Variants in ZEB2 observed in about 807,000 individuals in gnomAD.
ZEB2 encodes zinc finger E-box-binding homeobox 2.
Under a neutral mutation model 99.9 loss-of-function variants are expected in ZEB2, and 6 were observed. The ratio of observed to expected loss-of-function variants is 0.06; its 90% CI spans 0.03 to 0.12. ZEB2 has a LOEUF of 0.12. ZEB2 is among the 10% of genes least tolerant of loss of function. The probability of loss-of-function intolerance (pLI) is 1.00; values close to 1 mark genes in which losing one functional copy is unlikely to be tolerated. For missense variants in ZEB2, 969 were observed against 1,502.8 expected, an observed-to-expected ratio of 0.64 and a Z score of 5.87; for synonymous variants, 517 against 542.5, an observed-to-expected ratio of 0.95 and a Z score of 0.65.
intron 2 of ZEB2, among the ~76,000 whole-genome samples, chr2:144,481,901 A>G (rs1038068256): frequency 6.6e-6 from 1 of 152,208 alleles, no homozygotes; most frequent in Non-Finnish European, 1.5e-5. Context: ...AACATTTCTA[A>G]AGTAAAAAAT....
intron 2 of ZEB2, among the ~76,000 whole-genome samples, chr2:144,479,825 G>A (rs1398657349): frequency 2.6e-5 from 4 of 152,174 alleles, no homozygotes; most frequent in East Asian, 1.9e-4. Context: ...TAACCCCAGG[G>A]CTCATTTGCA....
chr2:144,432,397 T>TA (rs1553964364), intron 2 of ZEB2, among the ~76,000 whole-genome samples: 1 of 152,222 alleles, frequency 6.6e-6, no homozygotes, highest in African/African-American at 2.4e-5. Context: ...CATATGCCAT[T>TA]ATGCTGGTGT....
intron 2 of ZEB2, among the ~76,000 whole-genome samples, chr2:144,510,096 G>T (rs1003040129): frequency 3.9e-5 from 6 of 151,974 alleles, no homozygotes; most frequent in Non-Finnish European, 2.9e-5. Flanking sequence ...AGCCCTCAAA[G>T]CTTTTTAAAA....
chr2:144,391,801 T>C (rs553178480), intron 9 of ZEB2, among the ~76,000 whole-genome samples: 11 of 152,318 alleles, frequency 7.2e-5, no homozygotes, highest in South Asian at 6.2e-4. Context: ...AATTCATCCA[T>C]AGGGGCAGTG....
At chr2:144,421,879 T>C (rs927819087) in intron 4 of ZEB2, among the ~76,000 whole-genome samples, 1 of 152,244 alleles carries the variant, frequency 6.6e-6, no homozygotes, top group African/African-American at 2.4e-5. Context: ...AGGACATTCC[T>C]ATATTCCCAT....
chr2:144,404,352 T>C (rs1046983161), intron 5 of ZEB2, among the ~76,000 whole-genome samples: 2 of 139,634 alleles, frequency 1.4e-5, no homozygotes, highest in African/African-American at 2.7e-5. Flanking sequence ...AATTAATTAC[T>C]TCAGGTTTTT....
At chr2:144,429,684 G>A (rs768446684) in intron 3 of ZEB2, 85 bp downstream of exon 3, 2 of 1,600,332 alleles carry the variant, frequency 1.2e-6, no homozygotes, top group South Asian at 1.1e-5. Context: ...TAATTATTTG[G>A]TTGTGGGCGA....
intron 2 of ZEB2, among the ~76,000 whole-genome samples, chr2:144,489,621 C>T (rs1034763967): frequency 6.6e-6 from 1 of 152,184 alleles, no homozygotes; most frequent in Non-Finnish European, 1.5e-5. Context: ...CAGTGAGCTG[C>T]GGATGTTGGA....
intron 2 of ZEB2, among the ~76,000 whole-genome samples, chr2:144,508,233 G>C (rs1421541260): frequency 6.6e-6 from 1 of 152,062 alleles, no homozygotes; most frequent in Non-Finnish European, 1.5e-5. Context: ...TTTGTTCATT[G>C]TGTCTCAGGG....
At chr2:144,407,515 A>G (rs1409173663) in intron 4 of ZEB2, among the ~76,000 whole-genome samples, 1 of 152,226 alleles carries the variant, frequency 6.6e-6, no homozygotes, top group Non-Finnish European at 1.5e-5. Context: ...ACTTGCATAA[A>G]GTATTTGCTC....
At chr2:144,469,972 A>C (rs1704332985) in intron 2 of ZEB2, among the ~76,000 whole-genome samples, 1 of 152,212 alleles carries the variant, frequency 6.6e-6, no homozygotes, top group East Asian at 1.9e-4. Flanking sequence ...TCAGATACAG[A>C]GACCAAACCC....
intron 2 of ZEB2, among the ~76,000 whole-genome samples, chr2:144,438,162 T>C (rs1299690420): frequency 6.6e-6 from 1 of 152,194 alleles, no homozygotes; most frequent in Non-Finnish European, 1.5e-5. Flanking sequence ...TTCTAGCCTA[T>C]CCATAAAAAT....
chr2:144,440,499 ATATATATATATATATATTTT>A (rs1703892489), intron 2 of ZEB2, among the ~76,000 whole-genome samples: 1 of 22,978 alleles, frequency 4.4e-5, no homozygotes, highest in Admixed American at 7.0e-4. Context: ...ATATATATAT[ATATATATATATATATATTTT>A]TTTTTTTTTT....
intron 2 of ZEB2, among the ~76,000 whole-genome samples, chr2:144,466,718 C>A (rs1454310062): frequency 1.3e-5 from 2 of 152,150 alleles, no homozygotes; most frequent in Admixed American, 6.6e-5. Context: ...ACGGAGTAAA[C>A]CAGGGCAGTG....
chr2:144,512,657 G>A (rs568032420), intron 2 of ZEB2: 1 of 1,287,198 alleles, frequency 7.8e-7, no homozygotes, highest in Non-Finnish European at 1.0e-6. Flanking sequence ...CCTTAGTCCT[G>A]GTGGACTGTC....
intron 2 of ZEB2, among the ~76,000 whole-genome samples, chr2:144,498,503 G>C (rs567182173): frequency 6.6e-5 from 10 of 152,216 alleles, no homozygotes; most frequent in Admixed American, 5.9e-4. Flanking sequence ...AAAGTGAACT[G>C]ACTGCTGGAA....
intron 1 of ZEB2, chr2:144,518,528 C>A: frequency 6.6e-6 from 1 of 152,286 alleles, no homozygotes; most frequent in Non-Finnish European, 1.5e-5. Context: ...TCCCCACGCC[C>A]CACACCTATT....
At chr2:144,519,026 C>T (rs1415618010) in intron 1 of ZEB2, among the ~76,000 whole-genome samples, 1 of 152,132 alleles carries the variant, frequency 6.6e-6, no homozygotes, top group Non-Finnish European at 1.5e-5. Flanking sequence ...GGGAGATAAA[C>T]ACATTCATGT....
intron 3 of ZEB2, chr2:144,427,481 G>A (rs759553748): frequency 2.0e-4 from 31 of 152,156 alleles, no homozygotes; most frequent in African/African-American, 6.8e-4. Flanking sequence ...GCCAGGCACC[G>A]GGGATAAAAC....
Sources: gnomAD v4.1 joint callset for allele counts (sites outside exome capture counted in the v4.1 genomes callset) on GRCh38, gnomAD v4.1.1 for gene constraint, MANE v1.5 for transcripts, NCBI Gene and HGNC (gene_info 2026-07-23, HGNC 2026-07-21) for gene names.